KIAA1217: variants seen among roughly 807,000 people sequenced by gnomAD.
KIAA1217 encodes KIAA1217.
Under a neutral mutation model 163.9 loss-of-function variants are expected in KIAA1217, and 88 were observed. That is an observed-to-expected ratio of 0.54 (90% CI 0.45 to 0.64). The LOEUF (loss-of-function observed/expected upper bound fraction) is 0.64. Among genes scored for constraint, KIAA1217 ranks in the 30% least tolerant of loss-of-function variants. KIAA1217 has a pLI of 0.00. For missense variants in KIAA1217, 2,372 were observed against 2,475.0 expected (o/e 0.96, Z 0.88); for synonymous variants, 903 against 923.1 (o/e 0.98, Z 0.39).
chr10:23,905,644 AG>A (rs1463714187), intron 1 of KIAA1217, among the ~76,000 whole-genome samples: 1 of 152,094 alleles, frequency 6.6e-6, no homozygotes, highest in African/African-American at 2.4e-5. Context: ...AAAGGTAGGG[AG>A]ATGGATTATA....
At chr10:24,118,880 C>G (rs1045287982) in intron 2 of KIAA1217, among the ~76,000 whole-genome samples, 1 of 152,022 alleles carries the variant, frequency 6.6e-6, no homozygotes, top group African/African-American at 2.4e-5. Context: ...AGCAAAAAAG[C>G]CTAATTTGAA....
chr10:23,837,559 G>T (rs1181922640), intron 1 of KIAA1217, among the ~76,000 whole-genome samples: 1 of 151,996 alleles, frequency 6.6e-6, no homozygotes, highest in East Asian at 1.9e-4. Flanking sequence ...TTTGAGATGG[G>T]ATCTTGCTCT....
intron 2 of KIAA1217, among the ~76,000 whole-genome samples, chr10:24,329,096 T>C (rs1360935443): frequency 2.7e-5 from 4 of 148,046 alleles, no homozygotes; most frequent in African/African-American, 9.8e-5. Context: ...ATATATACTA[T>C]GTAATTAGTA....
intron 2 of KIAA1217, among the ~76,000 whole-genome samples, chr10:24,184,770 C>T (rs1229215668): frequency 6.6e-5 from 10 of 152,172 alleles, no homozygotes; most frequent in Admixed American, 2.0e-4. Context: ...GTCCCTTTTC[C>T]TAGTTTTCCT....
In KIAA1217 at chr10:23,887,784, A is replaced by G. The variant is rs187975083; in HGVS notation, c.-320-119441A>G. On this transcript the variant is annotated intron_variant, in intron 1 of 18. Coordinates refer to the KIAA1217 transcript ENST00000376462. ...CCCCAAGATGGATTGCAGTGGCACA[A>G]TCTCAGCTCACTGCAACCTCCACCC... Among the ~76,000 whole-genome samples, 399 of 151,998 alleles carry G rather than the reference A, an allele frequency of 2.6e-3. 2 individuals are homozygous for G. Among genetic ancestry groups the G allele is most frequent in the Non-Finnish European group, 4.7e-3 (319 of 67,916 alleles).
At chr10:24,129,284 G>C (rs928023297) in intron 2 of KIAA1217, among the ~76,000 whole-genome samples, 1 of 152,114 alleles carries the variant, frequency 6.6e-6, no homozygotes, top group Admixed American at 6.5e-5. Context: ...GTCATTACCT[G>C]TTATTTATTG....
In KIAA1217 at chr10:23,695,033, C is replaced by T. The variant is rs953470788; in HGVS notation, c.-522C>T. The T allele has an allele frequency of 4.6e-5, 7 of 152,228 alleles. No homozygotes were observed. The highest frequency in any genetic ancestry group is 1.0e-4 in the Non-Finnish European group (7 of 68,078). The allele number at this position is 152,228 out of a possible 1,614,324, so 9.4% of individuals were successfully genotyped here. On this transcript the variant is annotated 5_prime_UTR_variant, in exon 1 of 19. Coordinates refer to the KIAA1217 transcript ENST00000376462. The surrounding 1 kb of genome is among the most constrained non-coding windows in gnomAD (Gnocchi z 4.9). The stretch of plus-strand genomic sequence containing the variant: ...GCTGCCAGAAGAGGCCACCACTCGG[C>T]TGGCAGCCGCGAGCGGCGGCCGAAC...
intron 2 of KIAA1217, among the ~76,000 whole-genome samples, chr10:24,052,241 A>G (rs567984802): frequency 2.0e-5 from 3 of 152,274 alleles, no homozygotes; most frequent in Admixed American, 2.0e-4. Context: ...TGTGAGCAGT[A>G]TCTCTTATTA....
chr10:24,148,444 G>A (rs1231355303), intron 2 of KIAA1217, among the ~76,000 whole-genome samples: 1 of 152,162 alleles, frequency 6.6e-6, no homozygotes, highest in Non-Finnish European at 1.5e-5. Context: ...AATCCCCAGG[G>A]TTGGAGGTGG....
intron 1 of KIAA1217, among the ~76,000 whole-genome samples, chr10:23,810,519 TAATC>T (rs905852465): frequency 9.7e-5 from 13 of 133,874 alleles, no homozygotes; most frequent in African/African-American, 3.1e-4. Flanking sequence ...ATACTATAGA[TAATC>T]TATATATAGT....
intron 1 of KIAA1217, among the ~76,000 whole-genome samples, chr10:23,993,233 T>C (rs1846301071): frequency 6.6e-6 from 1 of 151,950 alleles, no homozygotes; most frequent in African/African-American, 2.4e-5. Context: ...GGTTTCACCA[T>C]GTTGGCCAGG....
intron 2 of KIAA1217, among the ~76,000 whole-genome samples, chr10:24,145,652 A>G (rs2064276043): frequency 6.6e-6 from 1 of 152,244 alleles, no homozygotes. Flanking sequence ...CAGAGAAGCC[A>G]GTCTGAGTCC....
At chr10:23,874,675 A>G (rs922197871) in intron 1 of KIAA1217, among the ~76,000 whole-genome samples, 1 of 152,012 alleles carries the variant, frequency 6.6e-6, no homozygotes, top group Admixed American at 6.6e-5. Context: ...AGACCAGTTT[A>G]TCTAGGAGTG....
chr10:23,697,278 C>A (rs75212248), intron 1 of KIAA1217, among the ~76,000 whole-genome samples: 2,590 of 152,226 alleles, frequency 0.017, 74 homozygotes, highest in African/African-American at 0.06. Flanking sequence ...TATAAGAATT[C>A]CTTCACGTAT....
rs117889630 is a variant in KIAA1217 at position 23,805,520 on chromosome 10, T to C, written c.-321+110286T>C. On this transcript the variant is annotated intron_variant, in intron 1 of 18. Coordinates refer to the KIAA1217 transcript ENST00000376462. ...GAGGGGAACAACAGACTAGGGCCTA[T>C]TGGAGGGTGGAGGGTGGGAGGAGGG... is the stretch of plus-strand genomic sequence containing the variant. Among the ~76,000 whole-genome samples, 172 of 152,034 alleles carry C rather than the reference T, an allele frequency of 1.1e-3. 13 individuals are homozygous for C. The East Asian group carries it at 0.027, about 24-fold the overall frequency.
chr10:24,326,631 C>T (rs1564476657), intron 2 of KIAA1217, among the ~76,000 whole-genome samples: 1 of 152,054 alleles, frequency 6.6e-6, no homozygotes, highest in Admixed American at 6.6e-5. Flanking sequence ...ATTTGTCAGT[C>T]ATATATTATC....
chr10:23,757,599 C>G (rs1278282680), intron 1 of KIAA1217, among the ~76,000 whole-genome samples: 1 of 152,104 alleles, frequency 6.6e-6, no homozygotes, highest in Non-Finnish European at 1.5e-5. Flanking sequence ...TTCACTGCAA[C>G]CTCTGCCTCC....
intron 8 of KIAA1217, among the ~76,000 whole-genome samples, chr10:24,496,993 G>T (rs567827682): frequency 5.3e-5 from 8 of 152,342 alleles, no homozygotes; most frequent in African/African-American, 1.9e-4. Context: ...CAATGAGCAC[G>T]TGGACTCACT....
At chr10:24,118,149 G>GT (rs921624250) in intron 2 of KIAA1217, among the ~76,000 whole-genome samples, 1 of 142,296 alleles carries the variant, frequency 7.0e-6, no homozygotes, top group African/African-American at 2.6e-5. Context: ...TCAAATAACG[G>GT]TTAAAAAAAA....
Sources: allele counts gnomAD v4.1 joint callset (sites outside exome capture counted in the v4.1 genomes callset), GRCh38; gene constraint gnomAD v4.1.1; non-coding constraint Gnocchi (gnomAD v3.1); transcripts MANE v1.5; gene names NCBI Gene and HGNC (gene_info 2026-07-23, HGNC 2026-07-21).